NR2F1-AS1: variants seen among roughly 807,000 people sequenced by gnomAD.
NR2F1-AS1 encodes NR2F1 regulatory antisense RNA 1, also known as NR2F1 antisense RNA 1.
At chr5:93,580,365 C>CT (rs1324273482) in intron 1 of NR2F1-AS1, 3 of 152,414 alleles carry the variant, frequency 2.0e-5, no homozygotes, top group Admixed American at 1.3e-4. Context: ...TGCCTAGACT[C>CT]TGCTCTCGGC....
At chr5:93,565,927 G>A (rs1215886907) in intron 1 of NR2F1-AS1, among the ~76,000 whole-genome samples, 1 of 151,178 alleles carries the variant, frequency 6.6e-6, no homozygotes, top group Non-Finnish European at 1.5e-5. Context: ...ATTACTAATA[G>A]CATGATAAAC....
chr5:93,469,997 G>T (rs1172816865), intron 4 of NR2F1-AS1, among the ~76,000 whole-genome samples: 1 of 152,014 alleles, frequency 6.6e-6, no homozygotes, highest in Non-Finnish European at 1.5e-5. Flanking sequence ...ATTGTGGTTA[G>T]CAGTCTAATC....
chr5:93,418,722 G>A (rs1462408234), intron 4 of NR2F1-AS1, among the ~76,000 whole-genome samples: 2 of 152,072 alleles, frequency 1.3e-5, no homozygotes, highest in Admixed American at 6.6e-5. Context: ...TGTCCACCAG[G>A]CTCACCACAG....
At chr5:93,538,196 GGCACA>G (rs1457108430) in intron 4 of NR2F1-AS1, among the ~76,000 whole-genome samples, 1 of 152,154 alleles carries the variant, frequency 6.6e-6, no homozygotes, top group Non-Finnish European at 1.5e-5. Flanking sequence ...GTCATGGCTG[GGCACA>G]GTGGCTCACA....
At chr5:93,464,411 T>C (rs749124488) in intron 4 of NR2F1-AS1, among the ~76,000 whole-genome samples, 4 of 152,204 alleles carry the variant, frequency 2.6e-5, no homozygotes, top group Non-Finnish European at 5.9e-5. Context: ...GCCCTTTATT[T>C]ACTAGAAAAT....
intron 4 of NR2F1-AS1, among the ~76,000 whole-genome samples, chr5:93,495,887 T>C (rs546178497): frequency 4.9e-4 from 74 of 152,220 alleles, no homozygotes; most frequent in Non-Finnish European, 9.7e-4. Flanking sequence ...GCTATAACTT[T>C]AAAAGCAGGA....
In NR2F1-AS1 at chr5:93,471,081, A is replaced by G. The variant is rs369609083; in HGVS notation, n.639-75539T>C. Among the ~76,000 whole-genome samples the G allele has an allele frequency of 4.8e-4, 73 of 152,092 alleles. 1 individual carries two copies. The highest frequency in any genetic ancestry group is 1.7e-3 in the African/African-American group (69 of 41,576). ...AAATCCCAGGCTAGATCACATAGTC[A>G]TTAGAATGTTATTTGGCCTCTTTCT... On this transcript the variant is annotated intron_variant and non_coding_transcript_variant, in intron 4 of 5. Coordinates refer to ENST00000660523, the Ensembl canonical transcript of NR2F1-AS1.
chr5:93,559,706 G>T (rs971565828), intron 2 of NR2F1-AS1, among the ~76,000 whole-genome samples: 1 of 152,280 alleles, frequency 6.6e-6, no homozygotes, highest in Non-Finnish European at 1.5e-5. Flanking sequence ...GGAATAGGGT[G>T]GCCCAAGGAG....
At chr5:93,463,604 C>T (rs1750151284) in intron 4 of NR2F1-AS1, among the ~76,000 whole-genome samples, 1 of 152,156 alleles carries the variant, frequency 6.6e-6, no homozygotes, top group Admixed American at 6.5e-5. Context: ...CACTGAATGC[C>T]AGCCCATGAA....
intron 1 of NR2F1-AS1, chr5:93,570,756 C>G (rs1232764581): frequency 6.6e-6 from 1 of 152,262 alleles, no homozygotes; most frequent in Non-Finnish European, 1.5e-5. Context: ...ATACCGCGGC[C>G]CGGGCCCCTC....
At chr5:93,562,592 C>T (rs1561504777) in intron 2 of NR2F1-AS1, among the ~76,000 whole-genome samples, 1 of 152,128 alleles carries the variant, frequency 6.6e-6, no homozygotes, top group African/African-American at 2.4e-5. Context: ...CCATACCCAG[C>T]CTCAATTCCA....
At chr5:93,520,100 A>C (rs1751473341) in intron 4 of NR2F1-AS1, among the ~76,000 whole-genome samples, 1 of 152,080 alleles carries the variant, frequency 6.6e-6, no homozygotes, top group Non-Finnish European at 1.5e-5. Flanking sequence ...AAATCACATA[A>C]ATCAAAGAGA....
chr5:93,487,482 T>C (rs926647144), intron 4 of NR2F1-AS1, among the ~76,000 whole-genome samples: 4 of 152,088 alleles, frequency 2.6e-5, no homozygotes, highest in African/African-American at 9.7e-5. Context: ...ATGAGTGAAC[T>C]CCCATTCACA....
At chr5:93,464,255 T>C (rs1026232869) in intron 4 of NR2F1-AS1, among the ~76,000 whole-genome samples, 1 of 152,172 alleles carries the variant, frequency 6.6e-6, no homozygotes, top group African/African-American at 2.4e-5. Context: ...ACAAGCTCTC[T>C]TTTCCTGTCT....
In NR2F1-AS1 at chr5:93,564,150, A is replaced by C. The variant is rs1485786650; in HGVS notation, n.314-687T>G. 4.7e-4 allele frequency among the ~76,000 whole-genome samples: 60 copies of C among 127,904 alleles called. 1 individual carries two copies. Among genetic ancestry groups the C allele is most frequent in the East Asian group, 3.9e-3 (18 of 4,646 alleles). 83.9% of individuals were successfully genotyped at this position (127,904 alleles called of 152,430 possible). A position where few individuals can be genotyped will look rare whatever the true frequency, so the allele number is the denominator to read the frequency against. On this transcript the variant is annotated intron_variant and non_coding_transcript_variant, in intron 1 of 5. Transcript: ENST00000660523. ...AAAAAAAAAAAAAAAAAAAAAAAAA[A>C]CACACAACTACCTGGAGAATACTTA...
intron 4 of NR2F1-AS1, among the ~76,000 whole-genome samples, chr5:93,429,249 TATA>T (rs1749260442): frequency 6.6e-6 from 1 of 152,180 alleles, no homozygotes; most frequent in South Asian, 2.1e-4. Flanking sequence ...ATACAGCAAT[TATA>T]ATAACACTAA....
chr5:93,562,937 A>T (rs188367459), intron 2 of NR2F1-AS1, among the ~76,000 whole-genome samples: 1 of 152,374 alleles, frequency 6.6e-6, no homozygotes, highest in Non-Finnish European at 1.5e-5. Flanking sequence ...CATTCAAAAC[A>T]GGACATGAAC....
intron 4 of NR2F1-AS1, among the ~76,000 whole-genome samples, chr5:93,416,552 T>C (rs1314815586): frequency 6.6e-6 from 1 of 152,184 alleles, no homozygotes; most frequent in Non-Finnish European, 1.5e-5. Context: ...AGCTGACATG[T>C]GGGAGTTTAT....
intron 4 of NR2F1-AS1, among the ~76,000 whole-genome samples, chr5:93,509,207 A>G (rs1751246386): frequency 6.6e-6 from 1 of 152,172 alleles, no homozygotes; most frequent in East Asian, 1.9e-4. Context: ...ATGCTGAGTA[A>G]AAAAACAAGC....
Sources: gnomAD v4.1 joint callset for allele counts (sites outside exome capture counted in the v4.1 genomes callset) on GRCh38, gnomAD v4.1.1 for gene constraint, MANE v1.5 for transcripts, NCBI Gene and HGNC (gene_info 2026-07-23, HGNC 2026-07-21) for gene names.